TRMT6: variants seen among roughly 807,000 people sequenced by gnomAD.
The protein encoded by TRMT6 is tRNA methyltransferase 6 non-catalytic subunit.
TRMT6 carries 34 observed loss-of-function variants against 59.0 expected under a neutral mutation model. That is an observed-to-expected ratio of 0.58 (90% CI 0.44 to 0.77). The LOEUF is 0.77. Ranked by LOEUF, TRMT6 falls within the 30% of genes least tolerant of loss-of-function variation. The probability of loss-of-function intolerance (pLI) is 0.00; values close to 1 mark genes in which losing one functional copy is unlikely to be tolerated. For missense variants in TRMT6, 575 were observed against 604.5 expected (o/e 0.95, Z 0.51); for synonymous variants, 217 against 210.5 (o/e 1.03, Z -0.27).
In TRMT6 at chr20:5,943,666, G is replaced by A; in HGVS notation, c.560C>T (p.Thr187Ile). 3 of 1,614,116 alleles carry A rather than the reference G, an allele frequency of 1.9e-6. No individual in the cohort carries two copies. The highest frequency in any genetic ancestry group is 1.1e-5 in the South Asian group (1 of 91,062). ...PGKINHMRYD[T>I]LAQMLTLGNI... The stretch of plus-strand genomic sequence containing the variant: ...TCCCAACGTCAACATCTGGGCTAGT[G>A]TATCGTATCTCATGTGGCTAAAGTA... The change falls in exon 6 of 11, where the codon ACA becomes ATA. Residue 187 changes from threonine (T) to isoleucine (I), a missense_variant. By Grantham distance (89) the Thr-to-Ile change is moderately conservative (BLOSUM62 -1). Coordinates refer to ENST00000203001, the MANE Select transcript of TRMT6 (RefSeq NM_015939.5).
intron 4 of TRMT6, 41 bp downstream of exon 4, chr20:5,944,121 A>C (rs1052501735): frequency 7.3e-7 from 1 of 1,361,080 alleles, no homozygotes; most frequent in Admixed American, 2.3e-5. Context: ...AACATATAAG[A>C]AGTTTAATAT....
At chr20:5,939,515 A>C (rs898809068) in intron 10 of TRMT6, among the ~76,000 whole-genome samples, 21 of 151,726 alleles carry the variant, frequency 1.4e-4, no homozygotes, top group African/African-American at 5.1e-4. Context: ...GAAGAAAAAG[A>C]ACTGAAGCAG....
chr20:5,948,112 C>A (rs984167286), intron 1 of TRMT6, among the ~76,000 whole-genome samples: 10 of 152,078 alleles, frequency 6.6e-5, no homozygotes, highest in African/African-American at 2.4e-4. Context: ...CGAGTGAGAT[C>A]CCGTCTCACA....
chr20:5,942,920 A>G (rs892684366), intron 6 of TRMT6, 134 bp from the exon 7 acceptor site: 2 of 709,242 alleles, frequency 2.8e-6, no homozygotes, highest in East Asian at 2.5e-5. Context: ...AGGATGGTGC[A>G]GCTCCTCAGG....
intron 6 of TRMT6, 87 bp from the exon 7 acceptor site, chr20:5,942,873 T>A: frequency 1.0e-6 from 1 of 995,226 alleles, no homozygotes; most frequent in Non-Finnish European, 1.5e-6. Flanking sequence ...GTAATGAGAC[T>A]GAAGGTCTTT....
At chr20:5,949,892 A>C (rs576110269) in intron 1 of TRMT6, among the ~76,000 whole-genome samples, 1 of 151,522 alleles carries the variant, frequency 6.6e-6, no homozygotes, top group East Asian at 1.9e-4. Flanking sequence ...TGAAGATCCC[A>C]AGGTCCTAGG....
chr20:5,950,430 C>T lies in TRMT6; in HGVS notation c.-25G>A. 1.3e-6 allele frequency: 2 copies of T among 1,530,160 alleles called. No homozygotes were observed. The highest frequency in any genetic ancestry group is 1.7e-6 in the Non-Finnish European group (2 of 1,143,194). The allele number at this position is 1,530,160 out of a possible 1,614,324, so 94.8% of individuals were successfully genotyped here. A position where few individuals can be genotyped will look rare whatever the true frequency, so the allele number is the denominator to read the frequency against. The stretch of plus-strand genomic sequence containing the variant: ...TGACGCTCAGCCGGTCGCCGTGCTC[C>T]ACGGCGTCCCGCCCCTCCTCCTCGG... On this transcript the variant is annotated 5_prime_UTR_variant, in exon 1 of 11. Transcript: ENST00000203001.
intron 1 of TRMT6, among the ~76,000 whole-genome samples, chr20:5,946,739 T>C (rs1290307025): frequency 6.6e-6 from 1 of 152,050 alleles, no homozygotes; most frequent in Non-Finnish European, 1.5e-5. Flanking sequence ...ACACTGAATT[T>C]TGGAAAGGGG....
In TRMT6 at chr20:5,938,667, G is replaced by C. The variant is rs145357542; in HGVS notation, c.1362C>G (p.Leu454=). 47 of 1,614,204 alleles carry C rather than the reference G, an allele frequency of 2.9e-5. No individual in the cohort carries two copies. In the African/African-American group the frequency reaches 6.3e-4, roughly 22 times the overall value. The change falls in exon 11 of 11, where the codon CTC becomes CTG. Residue 454 remains leucine, a synonymous_variant. Coordinates refer to ENST00000203001, the MANE Select transcript of TRMT6 (RefSeq NM_015939.5). ...TGTCCATGGCAACGGTGAAGCCGGA[G>C]AGAAGATAACCCCCACCTCCACTCA... ...LLMSGGGGYL[L]SGFTVAMDNL... is the part of the protein sequence containing the mutation.
At chr20:5,950,068 G>A (rs2088770782) in intron 1 of TRMT6, among the ~76,000 whole-genome samples, 1 of 152,116 alleles carries the variant, frequency 6.6e-6, no homozygotes, top group Non-Finnish European at 1.5e-5. Flanking sequence ...AAAACAGGAG[G>A]GTTAAGGGAG....
Position 5,946,511 on chromosome 20 carries a change from A to T in TRMT6, c.151T>A (p.Trp51Arg), listed in dbSNP as rs755874952. The T allele has an allele frequency of 6.2e-7, 1 of 1,614,112 alleles. No individual in the cohort carries two copies. Among genetic ancestry groups the T allele is most frequent in the Non-Finnish European group, 8.5e-7 (1 of 1,180,004 alleles). The stretch of plus-strand genomic sequence containing the variant: ...CCAATGACGTTATCCAGGTAGAACC[A>T]CTGTTTTTCGAAAGTTACTTTTCTA... The part of the protein sequence containing the change: ...RRKKVTFEKQ[W>R]FYLDNVIGHS... Residue 51 changes from tryptophan (W) to arginine (R), a missense_variant, in exon 2 of 11, where the codon TGG (tryptophan) becomes AGG (arginine). Trp to Arg is a moderately radical substitution (Grantham distance 101). Coordinates refer to ENST00000203001, the MANE Select transcript of TRMT6 (RefSeq NM_015939.5).
intron 1 of TRMT6, 96 bp downstream of exon 1, chr20:5,950,182 G>A: frequency 7.4e-7 from 1 of 1,352,784 alleles, no homozygotes; most frequent in East Asian, 2.6e-5. Context: ...AGCCAAGAAT[G>A]GCACCCTGGC....
Position 5,943,943 on chromosome 20 carries a change from C to A in TRMT6, c.542+5G>T, listed in dbSNP as rs367935073. The A allele has an allele frequency of 6.2e-7, 1 of 1,603,014 alleles. No homozygotes were observed. On this transcript the variant is annotated splice_donor_5th_base_variant and intron_variant, in intron 5 of 10. Coordinates refer to ENST00000203001, the MANE Select transcript of TRMT6 (RefSeq NM_015939.5). ...ATTATACTTTTGAAAGGAAACAAAG[C>A]GTACTTAATTTTTCCAGGTTCTCTT...
rs745360579 is a variant in TRMT6 at position 5,943,719 on chromosome 20, A to C, written c.543-36T>G. 2.5e-6 allele frequency: 4 copies of C among 1,594,736 alleles called. No homozygotes were observed. The African/African-American group carries it at 5.4e-5, about 22-fold the overall frequency. On this transcript the variant is annotated intron_variant, in intron 5 of 10. Transcript: ENST00000203001. The stretch of plus-strand genomic sequence containing the variant: ...AACAATAATTTGTTCATTTTTAGCT[A>C]AGTAAAGCCTATTATTTTAATCATC...
intron 10 of TRMT6, among the ~76,000 whole-genome samples, chr20:5,940,469 T>C (rs2088646368): frequency 6.6e-6 from 1 of 152,194 alleles, no homozygotes; most frequent in African/African-American, 2.4e-5. Flanking sequence ...ATGGTTTGCA[T>C]TTTAAATGCC....
Position 5,938,655 on chromosome 20 carries a change from G to A in TRMT6, c.1374C>T (p.Thr458=), listed in dbSNP as rs116890350. 39 of 1,614,168 alleles carry A rather than the reference G, an allele frequency of 2.4e-5. No homozygotes were observed. The highest frequency in any genetic ancestry group is 1.6e-4 in the African/African-American group (12 of 75,056). ...CTGCTTTAAGGTTGTCCATGGCAAC[G>A]GTGAAGCCGGAGAGAAGATAACCCC... ...GGGGYLLSGF[T]VAMDNLKADT... Residue 458 remains threonine, a synonymous_variant, in exon 11 of 11, where the codon ACC becomes ACT. Coordinates refer to ENST00000203001, the MANE Select transcript of TRMT6 (RefSeq NM_015939.5).
chr20:5,940,123 T>C (rs1330605589), intron 10 of TRMT6, among the ~76,000 whole-genome samples: 1 of 152,186 alleles, frequency 6.6e-6, no homozygotes, highest in Non-Finnish European at 1.5e-5. Context: ...TCATGGAGAC[T>C]TTCTCCAGAG....
chr20:5,948,192 C>T (rs948567741), intron 1 of TRMT6, among the ~76,000 whole-genome samples: 3 of 152,060 alleles, frequency 2.0e-5, no homozygotes, highest in African/African-American at 7.2e-5. Context: ...CTCTGAGAGC[C>T]TATGTGATAT....
At chr20:5,948,145 A>C (rs1297354952) in intron 1 of TRMT6, among the ~76,000 whole-genome samples, 2 of 152,038 alleles carry the variant, frequency 1.3e-5, no homozygotes, top group Non-Finnish European at 2.9e-5. Context: ...AGACAAACCA[A>C]ACAAAAACAC....
Sources: allele counts gnomAD v4.1 joint callset (sites outside exome capture counted in the v4.1 genomes callset), GRCh38; gene constraint gnomAD v4.1.1; transcripts MANE v1.5; gene names NCBI Gene and HGNC (gene_info 2026-07-23, HGNC 2026-07-21).